The following ZNF251 variants were observed in gnomAD, a reference collection of about 807,000 sequenced individuals.
The protein encoded by ZNF251 is zinc finger protein 251.
Under a neutral mutation model 13.5 loss-of-function variants are expected in ZNF251, and 14 were observed. The observed-to-expected ratio is 1.04, with a 90% CI of 0.69 to 1.63. ZNF251 has a LOEUF of 1.63. Ranked by LOEUF, ZNF251 falls within the 40% of genes most tolerant of loss-of-function variation. The pLI is 0.00. For missense variants in ZNF251, 764 were observed against 834.9 expected (o/e 0.92, Z 1.05); for synonymous variants, 287 against 295.2 (o/e 0.97, Z 0.28).
intron 4 of ZNF251, among the ~76,000 whole-genome samples, chr8:144,737,793 G>C (rs376803982): frequency 7.1e-5 from 9 of 126,372 alleles, no homozygotes; most frequent in African/African-American, 2.8e-4. Context: ...GATCGAGATC[G>C]CACCACTGCA....
intron 4 of ZNF251, among the ~76,000 whole-genome samples, chr8:144,729,625 C>T (rs977800311): frequency 1.3e-5 from 2 of 152,096 alleles, no homozygotes; most frequent in Non-Finnish European, 2.9e-5. Context: ...CGTGAGCTAC[C>T]GCACCCGGCC....
chr8:144,746,892 TTTTA>T (rs1378605569), intron 4 of ZNF251, among the ~76,000 whole-genome samples: 1 of 152,206 alleles, frequency 6.6e-6, no homozygotes, highest in African/African-American at 2.4e-5. Flanking sequence ...GGTTTACTGA[TTTTA>T]TTGTTTTTTC....
At position 144,755,385 on chromosome 8, in the gene ZNF251, C is replaced by G; in HGVS notation, c.-76+20G>C. The G allele has an allele frequency of 1.6e-6, 2 of 1,288,098 alleles. No homozygotes were observed. Among genetic ancestry groups the G allele is most frequent in the Non-Finnish European group, 2.0e-6 (2 of 988,722 alleles). 79.8% of individuals were successfully genotyped at this position (1,288,098 alleles called of 1,614,324 possible). On this transcript the variant is annotated intron_variant, in intron 1 of 4. Transcript: ENST00000292562. ...CTGCCTGCCCGCTTGGCGCTCCTTC[C>G]TGGTCCGACACTGCCCCACCTGTTT... is the stretch of plus-strand genomic sequence containing the variant.
intron 4 of ZNF251, among the ~76,000 whole-genome samples, chr8:144,742,470 A>C (rs1824208187): frequency 6.7e-6 from 1 of 148,256 alleles, no homozygotes; most frequent in African/African-American, 2.5e-5. Flanking sequence ...TGCATACCCC[A>C]CCCCCCACAC....
rs554829573 is a variant in ZNF251, at chr8:144,722,361, A to G, written c.1299T>C (p.Tyr433=). 3.5e-5 allele frequency: 57 copies of G among 1,613,886 alleles called. No homozygotes were observed. The highest frequency in any genetic ancestry group is 4.6e-5 in the Non-Finnish European group (54 of 1,179,896). The part of the protein sequence containing the change: ...HVRIHTGEKP[Y]VCNECGKAFR... ...AGGCTTTGCCGCACTCATTACAAAC[A>G]TAGGGTTTTTCTCCTGTGTGAATCC... The change falls in exon 5 of 5, where the codon TAT becomes TAC. Residue 433 remains tyrosine, a synonymous_variant. Coordinates refer to ENST00000292562, the MANE Select transcript of ZNF251 (RefSeq NM_138367.2). The surrounding 1 kb of genome is among the most constrained non-coding windows in gnomAD (Gnocchi z 4.8).
intron 4 of ZNF251, chr8:144,738,512 CA>C: frequency 1.0e-6 from 1 of 978,804 alleles, no homozygotes; most frequent in Non-Finnish European, 1.2e-6. Context: ...AGGGTCTTCC[CA>C]AACTCCAGGA....
At chr8:144,724,406 C>G (rs551073010) in intron 4 of ZNF251, among the ~76,000 whole-genome samples, 2 of 152,068 alleles carry the variant, frequency 1.3e-5, no homozygotes, top group South Asian at 2.1e-4. Context: ...CCACAGTTCA[C>G]AGCAGCCTTG....
In ZNF251 at chr8:144,721,403, C is replaced by T. The variant is rs1475054978; in HGVS notation, c.*241G>A. The T allele has an allele frequency of 1.7e-5, 7 of 422,864 alleles. No individual in the cohort carries two copies. The highest frequency in any genetic ancestry group is 2.0e-5 in the Non-Finnish European group (5 of 249,208). 26.2% of individuals were successfully genotyped at this position (422,864 alleles called of 1,614,324 possible). On this transcript the variant is annotated 3_prime_UTR_variant, in exon 5 of 5. Transcript: ENST00000292562. ...CCTCCATCCATTCGTCATGAGTATC[C>T]GGATACAGCACCACACGGTTCAACT...
rs79577023 is a variant in ZNF251 at position 144,723,575 on chromosome 8, T to C, written c.278-193A>G. On this transcript the variant is annotated intron_variant, in intron 4 of 4. Transcript: ENST00000292562. The stretch of plus-strand genomic sequence containing the variant: ...GGATAAAAATATTCAAGTTCATTAG[T>C]TATCAAAGTAGTCAAATCAAAACAA... 1.1e-4 allele frequency among the ~76,000 whole-genome samples: 16 copies of C among 152,302 alleles called. No individual in the cohort carries two copies. The East Asian group carries it at 3.1e-3, about 29-fold the overall frequency.
At chr8:144,731,088 G>T (rs1823681131) in intron 4 of ZNF251, among the ~76,000 whole-genome samples, 1 of 152,178 alleles carries the variant, frequency 6.6e-6, no homozygotes, top group African/African-American at 2.4e-5. Context: ...GACCGAGGAA[G>T]CCCCATGATG....
chr8:144,745,723 T>C (rs897970770), intron 4 of ZNF251, among the ~76,000 whole-genome samples: 2 of 151,894 alleles, frequency 1.3e-5, no homozygotes, highest in African/African-American at 4.8e-5. Flanking sequence ...ACAAAAAAAA[T>C]TTTTTTGTAG....
At chr8:144,735,310 C>A (rs568010041) in intron 4 of ZNF251, among the ~76,000 whole-genome samples, 1 of 150,598 alleles carries the variant, frequency 6.6e-6, no homozygotes, top group South Asian at 2.1e-4. Flanking sequence ...TTGCTTGAAC[C>A]CAGGAGGCAG....
At chr8:144,731,295 C>T (rs1823687180) in intron 4 of ZNF251, among the ~76,000 whole-genome samples, 1 of 152,198 alleles carries the variant, frequency 6.6e-6, no homozygotes, top group Admixed American at 6.5e-5. Flanking sequence ...CGAAACTATG[C>T]AGTTCTTCGT....
intron 2 of ZNF251, 90 bp downstream of exon 2, chr8:144,754,606 G>A (rs1824867009): frequency 6.7e-7 from 1 of 1,501,838 alleles, no homozygotes; most frequent in East Asian, 2.4e-5. Context: ...GGCCTTACCA[G>A]TTGCCGGGCT....
chr8:144,732,811 CAAAAA>C (rs34248117), intron 4 of ZNF251, among the ~76,000 whole-genome samples: 4,079 of 106,750 alleles, frequency 0.038, 185 homozygotes, highest in African/African-American at 0.13. Flanking sequence ...GACTCCGTCT[CAAAAA>C]AAAAAAAAAA....
At chr8:144,751,076 T>C (rs1265522017) in intron 4 of ZNF251, among the ~76,000 whole-genome samples, 1 of 152,106 alleles carries the variant, frequency 6.6e-6, no homozygotes, top group Non-Finnish European at 1.5e-5. Context: ...CTTGAACTCC[T>C]GGCCTCAACT....
In ZNF251 at chr8:144,721,376, G is replaced by A. The variant is rs988618079; in HGVS notation, c.*268C>T. On this transcript the variant is annotated 3_prime_UTR_variant, in exon 5 of 5. Coordinates refer to ENST00000292562, the MANE Select transcript of ZNF251 (RefSeq NM_138367.2). ...AGCACCAGCTGGGCTCACTTTTCAC[G>A]CCCTCCATCCATTCGTCATGAGTAT... The A allele has an allele frequency of 2.5e-6, 1 of 401,912 alleles. No homozygotes were observed. The highest frequency in any genetic ancestry group is 4.3e-6 in the Non-Finnish European group (1 of 230,468). The allele number at this position is 401,912 out of a possible 1,614,324, so 24.9% of individuals were successfully genotyped here. A position where few individuals can be genotyped will look rare whatever the true frequency, so the allele number is the denominator to read the frequency against.
intron 4 of ZNF251, among the ~76,000 whole-genome samples, chr8:144,732,105 G>C (rs1223525882): frequency 2.6e-5 from 4 of 151,878 alleles, no homozygotes; most frequent in African/African-American, 9.7e-5. Context: ...ACCACGCCTG[G>C]CTAATTTTTT....
At chr8:144,735,597 A>T (rs1297140911) in intron 4 of ZNF251, among the ~76,000 whole-genome samples, 1 of 152,016 alleles carries the variant, frequency 6.6e-6, no homozygotes, top group Non-Finnish European at 1.5e-5. Flanking sequence ...AGCACTGACG[A>T]GGTCACGGAA....
Sources: allele counts gnomAD v4.1 joint callset (sites outside exome capture counted in the v4.1 genomes callset), GRCh38; gene constraint gnomAD v4.1.1; non-coding constraint Gnocchi (gnomAD v3.1); transcripts MANE v1.5; gene names NCBI Gene and HGNC (gene_info 2026-07-23, HGNC 2026-07-21).